COL16A1: variants seen among roughly 807,000 people sequenced by gnomAD.
The protein encoded by COL16A1 is collagen alpha-1(XVI) chain.
COL16A1 carries 189 observed loss-of-function variants against 266.3 expected under a neutral mutation model. The observed-to-expected ratio is 0.71, with a 90% confidence interval of 0.63 to 0.80. The LOEUF (loss-of-function observed/expected upper bound fraction) is 0.80. COL16A1 is among the 30% of genes least tolerant of loss of function. The probability of loss-of-function intolerance (pLI) is 0.00; values close to 1 mark genes in which losing one functional copy is unlikely to be tolerated. For missense variants in COL16A1, 1,928 were observed against 2,122.4 expected, an observed-to-expected ratio of 0.91 and a Z score of 1.80; for synonymous variants, 740 against 782.3, an observed-to-expected ratio of 0.95 and a Z score of 0.90.
chr1:31,692,456 C>T lies in COL16A1; in HGVS notation c.1194+18G>A, dbSNP rs1456903713. Reference sequence around the variant, plus strand: ...CAGACCTCCCTGGAAATCCCCCCTCCAAATCCAGGCTTGTTACCTTCTCGC... The same window carrying T: ...CAGACCTCCCTGGAAATCCCCCCTCTAAATCCAGGCTTGTTACCTTCTCGC... On this transcript the variant is annotated intron_variant, in intron 16 of 70. Transcript: ENST00000373672. 6.2e-7 allele frequency: 1 copy of T among 1,606,730 alleles called. No homozygotes were observed. The highest frequency in any genetic ancestry group is 8.5e-7 in the Non-Finnish European group (1 of 1,175,134).
At position 31,665,916 on chromosome 1, in the gene COL16A1, C is replaced by A; in HGVS notation, c.3422G>T (p.Gly1141Val). ...PGPAGPRGER[G>V]PQGNSGEKGD... The stretch of plus-strand genomic sequence containing the variant: ...CTTCTCACCGGAGTTACCTTGGGGT[C>A]CTCGCTCTCCTCTGGGACCCTGTCA... The change falls in exon 54 of 71, where the codon GGA becomes GTA. Residue 1141 changes from glycine to valine, a missense_variant. Physicochemically the swap from Gly to Val is moderately radical, Grantham distance 109. Around this residue, in one of 2 missense-constraint regions of COL16A1, gnomAD observed 1,552 missense variants for 1,637.2 expected, o/e 0.95. Transcript: ENST00000373672. The A allele has an allele frequency of 1.2e-6, 2 of 1,614,138 alleles. No individual in the cohort carries two copies. Among genetic ancestry groups the A allele is most frequent in the Non-Finnish European group, 1.7e-6 (2 of 1,180,004 alleles).
chr1:31,691,784 A>T, intron 17 of COL16A1, 142 bp from the exon 18 acceptor site: 1 of 1,227,832 alleles, frequency 8.1e-7, no homozygotes, highest in Middle Eastern at 2.8e-4. Flanking sequence ...AGGTCAGCAC[A>T]TGTCAACCTT....
rs771905274 is a variant in COL16A1 at position 31,685,065 on chromosome 1, G to A, written c.2017-209C>T. ...TGAGCAAATTAGCTCATCTATCTCC[G>A]TACCTCAGTTTCTTCAGCTGTCAAA... On this transcript the variant is annotated intron_variant, in intron 29 of 70. Transcript: ENST00000373672. The surrounding 1 kb of genome is among the most constrained non-coding windows in gnomAD (Gnocchi z 4.0). Among the ~76,000 whole-genome samples, 4 of 152,180 alleles carry A rather than the reference G, an allele frequency of 2.6e-5. No individual in the cohort carries two copies. Among genetic ancestry groups the A allele is most frequent in the Admixed American group, 6.5e-5 (1 of 15,274 alleles).
chr1:31,665,945 A>G lies in COL16A1; in HGVS notation c.3403-10T>C, dbSNP rs1642101327. On this transcript the variant is annotated splice_polypyrimidine_tract_variant and intron_variant, in intron 53 of 70. Transcript: ENST00000373672. ...GCTCTCCTCTGGGACCCTGTCACCC[A>G]CAGAGAACAATGCAGCCGAAACCTA... is the stretch of plus-strand genomic sequence containing the variant. 1 of 1,614,092 alleles carries G rather than the reference A, an allele frequency of 6.2e-7. No individual in the cohort carries two copies. Among genetic ancestry groups the G allele is most frequent in the Non-Finnish European group, 8.5e-7 (1 of 1,179,990 alleles).
chr1:31,670,626 A>C lies in COL16A1; in HGVS notation c.3171T>G (p.Gly1057=). ...CAGGCAATCCGGGGGAGCCAACAGC[A>C]CCAGGAAAACCTGGGGGGCCCTGGT... ...PGPIGPPGFP[G]AVGSPGLPGL... The change falls in exon 49 of 71, where the codon GGT becomes GGG. Residue 1057 remains glycine, a synonymous_variant. Coordinates refer to ENST00000373672, the MANE Select transcript of COL16A1 (RefSeq NM_001856.4). This position sits in a 1 kb window ranked among gnomAD's most constrained non-coding sequence, Gnocchi z 4.5. 1 of 1,423,212 alleles carries C rather than the reference A, an allele frequency of 7.0e-7. No homozygotes were observed. Among genetic ancestry groups the C allele is most frequent in the Non-Finnish European group, 9.2e-7 (1 of 1,092,308 alleles). 88.2% of individuals were successfully genotyped at this position (1,423,212 alleles called of 1,614,324 possible).
chr1:31,661,281 C>G, intron 60 of COL16A1, 133 bp downstream of exon 60: 1 of 1,527,860 alleles, frequency 6.5e-7, no homozygotes, highest in Non-Finnish European at 8.9e-7. Flanking sequence ...CCCAGTCTGC[C>G]AGGCACCAGT....
At chr1:31,662,221 C>T (rs1376129279) in intron 58 of COL16A1, 113 bp downstream of exon 58, 1 of 1,540,926 alleles carries the variant, frequency 6.5e-7, no homozygotes, top group Non-Finnish European at 8.8e-7. Context: ...GCATGGGTGC[C>T]CCCTGACAAA....
Position 31,665,869 on chromosome 1 carries a change from AGTC to A in COL16A1, c.3456+10_3456+12del, listed in dbSNP as rs777049127. The A allele has an allele frequency of 3.1e-6, 5 of 1,614,112 alleles. No homozygotes were observed. Among genetic ancestry groups the A allele is most frequent in the Non-Finnish European group, 4.2e-6 (5 of 1,179,992 alleles). On this transcript the variant is annotated intron_variant, in intron 54 of 70. Transcript: ENST00000373672. ...CCCTGCCTCCCTGCAGCCAGGTCCC[AGTC>A]GTCACTCACCTGGTCGCCCTTCTCA... is the stretch of plus-strand genomic sequence containing the variant.
At position 31,672,487 on chromosome 1, in the gene COL16A1, C is replaced by T. The variant is rs753504382; in HGVS notation, c.3034G>A (p.Gly1012Arg). The change falls in exon 47 of 71, where the codon GGA becomes AGA. Residue 1012 changes from glycine to arginine, a missense_variant. Gly to Arg is a moderately radical substitution (Grantham distance 125). Around this residue, in one of 2 missense-constraint regions of COL16A1, gnomAD observed 1,552 missense variants for 1,637.2 expected, o/e 0.95. Coordinates refer to ENST00000373672, the MANE Select transcript of COL16A1 (RefSeq NM_001856.4). ...GGGCTCCCAACACAGCCAGGATCTC[C>T]CTCACTGTTGTCACCCTGGAGAAGG... ...AEEARGDNSE[G>R]DPGCVGSPGL... The T allele has an allele frequency of 3.7e-6, 6 of 1,614,024 alleles. No individual in the cohort carries two copies. In the Admixed American group the frequency reaches 5.0e-5, roughly 13 times the overall value.
intron 36 of COL16A1, 27 bp from the exon 37 acceptor site, chr1:31,683,029 CA>C: frequency 1.9e-6 from 3 of 1,613,788 alleles, no homozygotes; most frequent in Non-Finnish European, 2.5e-6. Context: ...ACAAAGGTCT[CA>C]GGGGCAGAAT....
intron 10 of COL16A1, 120 bp from the exon 11 acceptor site, chr1:31,695,341 C>T: frequency 2.1e-6 from 2 of 971,000 alleles, no homozygotes; most frequent in African/African-American, 3.2e-5. Flanking sequence ...CTGAGGGGAG[C>T]CTGAAGATAG....
chr1:31,661,259 G>C, intron 60 of COL16A1, 140 bp from the exon 61 acceptor site: 1 of 1,487,536 alleles, frequency 6.7e-7, no homozygotes, highest in Non-Finnish European at 9.2e-7. Flanking sequence ...CTGGTAGACA[G>C]AGAAGCCCTG....
At chr1:31,696,003 G>T (rs1376154887) in intron 9 of COL16A1, 85 bp downstream of exon 9, 2 of 1,248,232 alleles carry the variant, frequency 1.6e-6, no homozygotes, top group Non-Finnish European at 2.3e-6. Context: ...GAGAGTGGGA[G>T]TGGAGCACCT....
At chr1:31,694,946 T>C (rs1428280086) in intron 11 of COL16A1, among the ~76,000 whole-genome samples, 1 of 152,204 alleles carries the variant, frequency 6.6e-6, no homozygotes, top group Non-Finnish European at 1.5e-5. Flanking sequence ...CCCGTGCCCA[T>C]GCCCTGAACC....
chr1:31,655,715 C>A, intron 66 of COL16A1: 1 of 773,868 alleles, frequency 1.3e-6, no homozygotes, highest in South Asian at 1.9e-5. Flanking sequence ...TCTGATGGCT[C>A]CCAAATGTCC....
At position 31,657,184 on chromosome 1, in the gene COL16A1, T is replaced by A; in HGVS notation, c.4021-116A>T. 3.1e-6 allele frequency: 4 copies of A among 1,296,628 alleles called. No individual in the cohort carries two copies. Among genetic ancestry groups the A allele is most frequent in the Non-Finnish European group, 4.4e-6 (4 of 899,128 alleles). The allele number at this position is 1,296,628 out of a possible 1,614,324, so 80.3% of individuals were successfully genotyped here. A position where few individuals can be genotyped will look rare whatever the true frequency, so the allele number is the denominator to read the frequency against. On this transcript the variant is annotated intron_variant, in intron 64 of 70. Coordinates refer to ENST00000373672, the MANE Select transcript of COL16A1 (RefSeq NM_001856.4). The surrounding 1 kb of genome is among the most constrained non-coding windows in gnomAD (Gnocchi z 6.4). ...CTGTTCCACCCAGAGGCCACGATCC[T>A]CCAGCCCTCACCCTCTGACAATCTG...
intron 52 of COL16A1, among the ~76,000 whole-genome samples, chr1:31,666,888 G>A (rs1404962796): frequency 1.3e-5 from 2 of 152,088 alleles, no homozygotes; most frequent in African/African-American, 4.8e-5. Flanking sequence ...TTATTCATCT[G>A]GCAGCTCCCT....
rs530207557 is a variant in COL16A1, at chr1:31,664,626, T to C, written c.3555+546A>G. Among the ~76,000 whole-genome samples, 1 of 152,270 alleles carries C rather than the reference T, an allele frequency of 6.6e-6. No homozygotes were observed. Among genetic ancestry groups the C allele is most frequent in the Admixed American group, 6.5e-5 (1 of 15,290 alleles). Reference sequence around the variant, plus strand: ...AAGCCAAAGTCAAGAGCAGCCAGCATAGGAGCTCCGCCAACTGCTGCTCCC... The same window carrying C: ...AAGCCAAAGTCAAGAGCAGCCAGCACAGGAGCTCCGCCAACTGCTGCTCCC... On this transcript the variant is annotated intron_variant, in intron 56 of 70. Coordinates refer to ENST00000373672, the MANE Select transcript of COL16A1 (RefSeq NM_001856.4). This position sits in a 1 kb window ranked among gnomAD's most constrained non-coding sequence, Gnocchi z 5.5.
At chr1:31,684,059 G>C (rs1483819138) in intron 32 of COL16A1, 50 bp downstream of exon 32, 1 of 1,613,334 alleles carries the variant, frequency 6.2e-7, no homozygotes, top group Non-Finnish European at 8.5e-7. Flanking sequence ...GGACAGGAGG[G>C]AGAGGAGGCA....
Sources: allele counts gnomAD v4.1 joint callset (sites outside exome capture counted in the v4.1 genomes callset), GRCh38; gene constraint gnomAD v4.1.1; regional missense constraint gnomAD v4.1.1; non-coding constraint Gnocchi (gnomAD v3.1); transcripts MANE v1.5; gene names NCBI Gene and HGNC (gene_info 2026-07-23, HGNC 2026-07-21).